Variants in TOLLIP observed in about 807,000 individuals in gnomAD.
TOLLIP encodes the protein toll interacting protein, also known as toll-interacting protein.
TOLLIP carries 16 observed loss-of-function variants against 33.5 expected under a neutral mutation model. The ratio of observed to expected loss-of-function variants is 0.48; its 90% confidence interval spans 0.32 to 0.72. TOLLIP has a LOEUF of 0.72. Ranked by LOEUF, TOLLIP falls within the 30% of genes least tolerant of loss-of-function variation. TOLLIP has a pLI of 0.03. For missense variants in TOLLIP, 325 were observed against 396.6 expected (o/e 0.82, Z 1.53); for synonymous variants, 176 against 163.7 (o/e 1.07, Z -0.57).
rs1863367068 is a variant in TOLLIP, at chr11:1,278,051, A to G, written c.611-798T>C. ...CACACTGAGATGCAATCTATCGAGC[A>G]GGAGACGCACGGCGGTTCAGCCACT... On this transcript the variant is annotated intron_variant, in intron 5 of 5. Transcript: ENST00000317204. This position sits in a 1 kb window ranked among gnomAD's most constrained non-coding sequence, Gnocchi z 4.7. Among the ~76,000 whole-genome samples, 1 of 152,180 alleles carries G rather than the reference A, an allele frequency of 6.6e-6. No homozygotes were observed. Among genetic ancestry groups the G allele is most frequent in the Non-Finnish European group, 1.5e-5 (1 of 68,024 alleles).
intron 4 of TOLLIP, among the ~76,000 whole-genome samples, chr11:1,287,275 G>A (rs369270898): frequency 3.3e-5 from 5 of 152,356 alleles, no homozygotes; most frequent in South Asian, 2.1e-4. Context: ...TGTTAAAGAC[G>A]TGTCATGAGA....
rs1241571964 is a variant in TOLLIP at position 1,276,876 on chromosome 11, C to T, written c.*163G>A. On this transcript the variant is annotated 3_prime_UTR_variant, in exon 6 of 6. Transcript: ENST00000317204. The stretch of plus-strand genomic sequence containing the variant: ...CCTGGACCGCCAGGAACCGAAAACC[C>T]ACATGCACCCAAGAACAGGTGTGGA... The T allele has an allele frequency of 1.3e-6, 2 of 1,544,488 alleles. No individual in the cohort carries two copies. The highest frequency in any genetic ancestry group is 2.7e-5 in the African/African-American group (2 of 73,348).
intron 1 of TOLLIP, among the ~76,000 whole-genome samples, chr11:1,305,555 G>T (rs1864401232): frequency 6.6e-6 from 1 of 152,212 alleles, no homozygotes; most frequent in African/African-American, 2.4e-5. Context: ...CCGGTTGATG[G>T]GGAAAGCTAA....
rs568911654 is a variant in TOLLIP, at chr11:1,303,010, G to A, written c.33+6456C>T. Among the ~76,000 whole-genome samples, 3 of 152,290 alleles carry A rather than the reference G, an allele frequency of 2.0e-5. No homozygotes were observed. The highest frequency in any genetic ancestry group is 2.1e-4 in the South Asian group (1 of 4,822). On this transcript the variant is annotated intron_variant, in intron 1 of 5. Transcript: ENST00000317204. The surrounding 1 kb of genome is among the most constrained non-coding windows in gnomAD (Gnocchi z 4.2). ...ACAGGCGCTTCAAAGCCAACATGCC[G>A]GGAGGTTCCCTGGCTCTGCTAAAGT... is the stretch of plus-strand genomic sequence containing the variant.
intron 1 of TOLLIP, among the ~76,000 whole-genome samples, chr11:1,299,750 C>T (rs1048700106): frequency 1.3e-5 from 2 of 152,252 alleles, no homozygotes; most frequent in Non-Finnish European, 2.9e-5. Flanking sequence ...ACTTCAGGAG[C>T]CAGTCCCCTG....
intron 5 of TOLLIP, among the ~76,000 whole-genome samples, chr11:1,281,972 G>A (rs994291418): frequency 6.6e-6 from 1 of 152,236 alleles, no homozygotes; most frequent in Non-Finnish European, 1.5e-5. Context: ...GCTGCCGGGA[G>A]GATGGGCTGT....
chr11:1,307,473 C>G (rs1026789772), intron 1 of TOLLIP, among the ~76,000 whole-genome samples: 1 of 152,246 alleles, frequency 6.6e-6, no homozygotes, highest in Non-Finnish European at 1.5e-5. Context: ...TCCCACTGCT[C>G]CCTGCCTGCT....
chr11:1,276,348 C>T lies in TOLLIP; in HGVS notation c.*691G>A. On this transcript the variant is annotated 3_prime_UTR_variant, in exon 6 of 6. Coordinates refer to ENST00000317204, the MANE Select transcript of TOLLIP (RefSeq NM_019009.4). Reference sequence around the variant, plus strand: ...GGACCCGGCTTCAGATGCCCGCTGGCTGGCAATCAGGCAGAGCCTGGCCAA... The same window carrying T: ...GGACCCGGCTTCAGATGCCCGCTGGTTGGCAATCAGGCAGAGCCTGGCCAA... 5.0e-6 allele frequency: 1 copy of T among 201,364 alleles called. No homozygotes were observed. The highest frequency in any genetic ancestry group is 8.4e-5 in the South Asian group (1 of 11,948). 12.5% of individuals were successfully genotyped at this position (201,364 alleles called of 1,614,324 possible). A position where few individuals can be genotyped will look rare whatever the true frequency, so the allele number is the denominator to read the frequency against.
chr11:1,288,876 C>T (rs920299739), intron 3 of TOLLIP, 100 bp from the exon 4 acceptor site: 5 of 1,368,214 alleles, frequency 3.7e-6, no homozygotes, highest in Non-Finnish European at 4.0e-6. Flanking sequence ...CCCGTCTTAT[C>T]TGTGGAACAG....
rs146173649 is a variant in TOLLIP, at chr11:1,298,996, G to A, written c.34-3202C>T. On this transcript the variant is annotated intron_variant, in intron 1 of 5. Transcript: ENST00000317204. ...CAAGGCAGGGTGCTGGGACAGCAGGGGACAGTCATCGAAAAACCAGGACAG... is the reference window on the plus strand; with the variant it reads ...CAAGGCAGGGTGCTGGGACAGCAGGAGACAGTCATCGAAAAACCAGGACAG... Among the ~76,000 whole-genome samples the A allele has an allele frequency of 1.0e-3, 152 of 152,334 alleles. 2 individuals carry two copies. The South Asian group carries it at 0.013, about 13-fold the overall frequency.
At chr11:1,295,839 C>A in intron 1 of TOLLIP, 45 bp from the exon 2 acceptor site, 2 of 1,506,442 alleles carry the variant, frequency 1.3e-6, no homozygotes, top group Non-Finnish European at 8.9e-7. Context: ...AGGGTGGGGG[C>A]ACAAAGCAGC....
chr11:1,290,492 C>G lies in TOLLIP; in HGVS notation c.184-83G>C. 7.4e-7 allele frequency: 1 copy of G among 1,353,082 alleles called. No homozygotes were observed. Among genetic ancestry groups the G allele is most frequent in the Non-Finnish European group, 1.0e-6 (1 of 969,574 alleles). 83.8% of individuals were successfully genotyped at this position (1,353,082 alleles called of 1,614,324 possible). On this transcript the variant is annotated intron_variant, in intron 2 of 5. Coordinates refer to ENST00000317204, the MANE Select transcript of TOLLIP (RefSeq NM_019009.4). The surrounding 1 kb of genome is among the most constrained non-coding windows in gnomAD (Gnocchi z 4.9). Reference sequence around the variant, plus strand: ...CTCTAGGCCGTCTGCCTCCCTGAACCCTTCCACGAGGCCTTTTCCTAACAC... The same window carrying G: ...CTCTAGGCCGTCTGCCTCCCTGAACGCTTCCACGAGGCCTTTTCCTAACAC...
chr11:1,291,618 G>A (rs1027750118), intron 2 of TOLLIP, among the ~76,000 whole-genome samples: 5 of 144,530 alleles, frequency 3.5e-5, no homozygotes, highest in East Asian at 4.2e-4. Flanking sequence ...TGAGGGCACC[G>A]CCGCCCTGTT....
In TOLLIP at chr11:1,276,281, G is replaced by A. The variant is rs921168990; in HGVS notation, c.*758C>T. The A allele has an allele frequency of 4.5e-5, 9 of 198,130 alleles. No homozygotes were observed. Among genetic ancestry groups the A allele is most frequent in the South Asian group, 9.2e-5 (1 of 10,880 alleles). 12.3% of individuals were successfully genotyped at this position (198,130 alleles called of 1,614,324 possible). On this transcript the variant is annotated 3_prime_UTR_variant, in exon 6 of 6. Transcript: ENST00000317204. ...GGGAGGACACCCACGGAGCTGGCAC[G>A]AGCGCAGCAGGAGAGACGGACGGCA...
chr11:1,299,036 G>A (rs1864191682), intron 1 of TOLLIP, among the ~76,000 whole-genome samples: 1 of 152,216 alleles, frequency 6.6e-6, no homozygotes, highest in Admixed American at 6.5e-5. Flanking sequence ...ATAAAACCTG[G>A]AGCCAACAGT....
intron 5 of TOLLIP, among the ~76,000 whole-genome samples, chr11:1,285,395 G>T (rs917615801): frequency 6.6e-6 from 1 of 152,248 alleles, no homozygotes; most frequent in African/African-American, 2.4e-5. Context: ...ATCCATGGTG[G>T]GGGCCGGTCT....
intron 5 of TOLLIP, among the ~76,000 whole-genome samples, chr11:1,279,946 C>T (rs987958458): frequency 3.9e-5 from 6 of 152,266 alleles, no homozygotes; most frequent in South Asian, 4.1e-4. Context: ...CAGGTGGGGA[C>T]GACCGTCCAG....
At chr11:1,281,800 C>T (rs1168485685) in intron 5 of TOLLIP, among the ~76,000 whole-genome samples, 2 of 152,222 alleles carry the variant, frequency 1.3e-5, no homozygotes, top group Non-Finnish European at 1.5e-5. Flanking sequence ...AAACTGTGGG[C>T]GACACACATG....
At position 1,295,632 on chromosome 11, in the gene TOLLIP, C is replaced by T. The variant is rs1158315323; in HGVS notation, c.183+13G>A. 2 of 1,532,840 alleles carry T rather than the reference C, an allele frequency of 1.3e-6. 1 individual carries two copies. The highest frequency in any genetic ancestry group is 2.4e-5 in the South Asian group (2 of 82,664). The allele number at this position is 1,532,840 out of a possible 1,614,324, so 95.0% of individuals were successfully genotyped here. A position where few individuals can be genotyped will look rare whatever the true frequency, so the allele number is the denominator to read the frequency against. On this transcript the variant is annotated intron_variant, in intron 2 of 5. Transcript: ENST00000317204. The stretch of plus-strand genomic sequence containing the variant: ...CCAGCCCCAGGCAGGCAGGAGGGTG[C>T]CCCAAGGCCCACCTGTACCACCGTG...
Sources: gnomAD v4.1 joint callset for allele counts (sites outside exome capture counted in the v4.1 genomes callset) on GRCh38, gnomAD v4.1.1 for gene constraint, Gnocchi (gnomAD v3.1) non-coding constraint, MANE v1.5 for transcripts, NCBI Gene and HGNC (gene_info 2026-07-23, HGNC 2026-07-21) for gene names.